SEPTIN7: variants seen among roughly 807,000 people sequenced by gnomAD.
SEPTIN7 encodes septin-7.
SEPTIN7 carries 10 observed loss-of-function variants against 63.3 expected under a neutral mutation model. The ratio of observed to expected loss-of-function variants is 0.16; its 90% CI spans 0.10 to 0.27. SEPTIN7 has a LOEUF of 0.27. Ranked by LOEUF, SEPTIN7 falls within the 10% of genes least tolerant of loss-of-function variation. SEPTIN7 has a pLI of 1.00. For synonymous variants in SEPTIN7, 131 were observed against 165.3 expected (o/e 0.79, Z 1.59); for missense variants, 310 against 521.0 (o/e 0.59, Z 3.94).
chr7:35,840,534 TC>T (rs1395416516), intron 3 of SEPTIN7, among the ~76,000 whole-genome samples: 7 of 152,102 alleles, frequency 4.6e-5, no homozygotes, highest in Non-Finnish European at 7.4e-5. Context: ...CTCCTTGGCT[TC>T]CTAGAGTGCT....
chr7:35,831,324 G>A, intron 1 of SEPTIN7, 168 bp from the exon 2 acceptor site: 1 of 183,788 alleles, frequency 5.4e-6, no homozygotes, highest in South Asian at 9.1e-5. Flanking sequence ...TTACATGTAA[G>A]TAACTTTTTT....
intron 3 of SEPTIN7, among the ~76,000 whole-genome samples, chr7:35,833,874 G>A (rs559553552): frequency 5.3e-5 from 8 of 152,072 alleles, no homozygotes; most frequent in African/African-American, 1.9e-4. Flanking sequence ...TTTATCTACT[G>A]ACTGCAATAT....
chr7:35,873,796 G>C, intron 6 of SEPTIN7, 21 bp downstream of exon 6: 2 of 1,604,060 alleles, frequency 1.2e-6, no homozygotes, highest in Non-Finnish European at 8.5e-7. Flanking sequence ...TGATACTTCT[G>C]ATTCCTTTTT....
Position 35,905,769 on chromosome 7 carries a change from CTCAT to C in SEPTIN7, c.*1480_*1483del, listed in dbSNP as rs772164501. On this transcript the variant is annotated 3_prime_UTR_variant, in exon 14 of 14. Coordinates refer to ENST00000350320, the MANE Select transcript of SEPTIN7 (RefSeq NM_001788.6). The stretch of plus-strand genomic sequence containing the variant: ...CCTGGCCTCTGAGAACAGTTTCTGA[CTCAT>C]TCAGATTAGGTATACTCTCAAGTCC... The C allele has an allele frequency of 6.6e-6, 1 of 152,134 alleles. No homozygotes were observed. The highest frequency in any genetic ancestry group is 1.5e-5 in the Non-Finnish European group (1 of 68,022). 9.4% of individuals were successfully genotyped at this position (152,134 alleles called of 1,614,324 possible).
intron 1 of SEPTIN7, chr7:35,802,408 C>T (rs1249028365): frequency 6.3e-6 from 1 of 158,732 alleles, no homozygotes. Flanking sequence ...TTCTTAGTTA[C>T]TGAAATAATA....
intron 6 of SEPTIN7, among the ~76,000 whole-genome samples, chr7:35,874,318 G>T (rs945164835): frequency 2.6e-5 from 4 of 152,012 alleles, no homozygotes; most frequent in Admixed American, 6.6e-5. Flanking sequence ...TGTTTATTAG[G>T]ACTTAAGACC....
chr7:35,805,212 T>A, intron 1 of SEPTIN7, among the ~76,000 whole-genome samples: 1 of 152,188 alleles, frequency 6.6e-6, no homozygotes. Context: ...ATAGAAAAGA[T>A]GATGTGCTGT....
At chr7:35,838,291 T>TC (rs1784194141) in intron 3 of SEPTIN7, among the ~76,000 whole-genome samples, 1 of 14,114 alleles carries the variant, frequency 7.1e-5, no homozygotes, top group Non-Finnish European at 1.3e-4. Context: ...CTTCCTTCCT[T>TC]CCTTCCTTCC....
At chr7:35,878,098 G>A (rs1474590149) in intron 6 of SEPTIN7, among the ~76,000 whole-genome samples, 2 of 152,140 alleles carry the variant, frequency 1.3e-5, no homozygotes, top group East Asian at 3.9e-4. Context: ...AAATTGTTAA[G>A]TGGAACCATA....
chr7:35,880,380 T>C (rs370236129), intron 7 of SEPTIN7, among the ~76,000 whole-genome samples: 19 of 152,082 alleles, frequency 1.2e-4, no homozygotes, highest in African/African-American at 4.6e-4. Flanking sequence ...TACATCTGTT[T>C]CACTGTGACT....
chr7:35,815,228 C>T, intron 1 of SEPTIN7: 1 of 399,528 alleles, frequency 2.5e-6, no homozygotes, highest in Non-Finnish European at 4.9e-6. Flanking sequence ...GTCCAGCAAC[C>T]TTTTTTTGAG....
chr7:35,807,182 A>G (rs1013013507), intron 1 of SEPTIN7, among the ~76,000 whole-genome samples: 2 of 151,442 alleles, frequency 1.3e-5, no homozygotes, highest in African/African-American at 4.8e-5. Flanking sequence ...TTGCTTTTTT[A>G]AAACTTTTTT....
intron 6 of SEPTIN7, among the ~76,000 whole-genome samples, chr7:35,874,704 T>TATC (rs1786369731): frequency 6.6e-6 from 1 of 152,254 alleles, no homozygotes; most frequent in East Asian, 1.9e-4. Context: ...CAATGCCCAT[T>TATC]ATCACTCTAG....
At chr7:35,883,320 T>C (rs1257375876) in intron 8 of SEPTIN7, among the ~76,000 whole-genome samples, 2 of 152,136 alleles carry the variant, frequency 1.3e-5, no homozygotes, top group Non-Finnish European at 2.9e-5. Flanking sequence ...CTTGGAATAA[T>C]GAAATTCTTA....
intron 1 of SEPTIN7, among the ~76,000 whole-genome samples, chr7:35,819,392 A>G (rs1281857957): frequency 1.3e-5 from 2 of 152,112 alleles, no homozygotes; most frequent in Admixed American, 6.6e-5. Flanking sequence ...AGAATATTCC[A>G]TGTGCACTTG....
Position 35,905,389 on chromosome 7 carries a change from GCCT to G in SEPTIN7, c.*1101_*1103del, listed in dbSNP as rs1276763954. On this transcript the variant is annotated 3_prime_UTR_variant, in exon 14 of 14. Coordinates refer to ENST00000350320, the MANE Select transcript of SEPTIN7 (RefSeq NM_001788.6). Reference sequence around the variant, plus strand: ...GGAAGAAACTTTTCAGCTTAAGTTTGCCTCCTCTACAATGACATCTTTTATATG... The same window carrying G: ...GGAAGAAACTTTTCAGCTTAAGTTTGCCTCTACAATGACATCTTTTATATG... The G allele has an allele frequency of 6.6e-6, 1 of 152,320 alleles. No individual in the cohort carries two copies. The highest frequency in any genetic ancestry group is 2.4e-5 in the African/African-American group (1 of 41,454). The allele number at this position is 152,320 out of a possible 1,614,324, so 9.4% of individuals were successfully genotyped here. A position where few individuals can be genotyped will look rare whatever the true frequency, so the allele number is the denominator to read the frequency against.
rs1461297465 is a variant in SEPTIN7 at position 35,906,205 on chromosome 7, A to G, written c.*1912A>G. The G allele has an allele frequency of 1.3e-5, 2 of 152,204 alleles. No homozygotes were observed. The highest frequency in any genetic ancestry group is 6.5e-5 in the Admixed American group (1 of 15,282). 9.4% of individuals were successfully genotyped at this position (152,204 alleles called of 1,614,324 possible). On this transcript the variant is annotated 3_prime_UTR_variant, in exon 14 of 14. Transcript: ENST00000350320. Reference sequence around the variant, plus strand: ...CTGGGAAATACTATTTCAAAATTCTATGTATTATAATAATAAATTTGTAAG... The same window carrying G: ...CTGGGAAATACTATTTCAAAATTCTGTGTATTATAATAATAAATTTGTAAG...
chr7:35,834,112 C>T (rs530253848), intron 3 of SEPTIN7, among the ~76,000 whole-genome samples: 6 of 151,900 alleles, frequency 3.9e-5, no homozygotes, highest in Admixed American at 6.6e-5. Flanking sequence ...ACCTTTTCTT[C>T]GGTAGGTTGG....
the SEPTIN7 span, among the ~76,000 whole-genome samples, chr7:35,912,414 G>A: frequency 1.3e-5 from 2 of 152,204 alleles, no homozygotes; most frequent in African/African-American, 4.8e-5. Context: ...TTTCCCATAA[G>A]GGATACTTTT....
Sources: gnomAD v4.1 joint callset for allele counts (sites outside exome capture counted in the v4.1 genomes callset) on GRCh38, gnomAD v4.1.1 for gene constraint, MANE v1.5 for transcripts, NCBI Gene and HGNC (gene_info 2026-07-23, HGNC 2026-07-21) for gene names.